The following GPHN variants were observed in gnomAD, a reference collection of about 807,000 sequenced individuals.
The protein encoded by GPHN is gephyrin.
GPHN carries 17 observed loss-of-function variants against 95.5 expected under a neutral mutation model. That is an observed-to-expected ratio of 0.18 (90% CI 0.12 to 0.27). GPHN has a LOEUF of 0.27. Among genes scored for constraint, GPHN ranks in the 10% least tolerant of loss-of-function variants. The pLI, the probability that GPHN is intolerant of heterozygous loss-of-function variation, is 1.00. For missense variants in GPHN, 660 were observed against 978.1 expected, an observed-to-expected ratio of 0.67 and a Z score of 4.34; for synonymous variants, 320 against 322.5, an observed-to-expected ratio of 0.99 and a Z score of 0.08.
At chr14:67,608,600 C>T in the GPHN span, among the ~76,000 whole-genome samples, 1 of 152,082 alleles carries the variant, frequency 6.6e-6, no homozygotes, top group East Asian at 1.9e-4. Context: ...TTTTTGATGC[C>T]GAATGAATCT....
At chr14:67,512,012 C>T in the GPHN span, among the ~76,000 whole-genome samples, 2 of 152,228 alleles carry the variant, frequency 1.3e-5, no homozygotes, top group Admixed American at 6.5e-5. Flanking sequence ...GGCAAATATA[C>T]GTCTTGAACC....
rs201592727 is a variant in GPHN at position 66,965,336 on chromosome 14, T to A, written c.963+11T>A. ...TGCCCAACACCAAAAGTAAGTATGG[T>A]TCCTTCGCATCTTACACCTGCTCTT... is the stretch of plus-strand genomic sequence containing the variant. On this transcript the variant is annotated intron_variant, in intron 9 of 22. Coordinates refer to ENST00000478722, the MANE Select transcript of GPHN (RefSeq NM_020806.5). The A allele has an allele frequency of 1.9e-6, 3 of 1,611,832 alleles. No homozygotes were observed. The highest frequency in any genetic ancestry group is 1.7e-6 in the Non-Finnish European group (2 of 1,178,016).
intron 18 of GPHN, among the ~76,000 whole-genome samples, chr14:67,158,261 C>T (rs1031715785): frequency 1.3e-5 from 2 of 148,556 alleles, no homozygotes; most frequent in East Asian, 3.9e-4. Flanking sequence ...GAGCCAAGAT[C>T]GCACCGTTGG....
chr14:67,392,284 T>G, the GPHN span: 33 of 1,297,504 alleles, frequency 2.5e-5, no homozygotes, highest in Non-Finnish European at 3.6e-5. Context: ...CCCCTAAGCT[T>G]GAGAACTGTC....
At chr14:67,020,912 A>T (rs1950282) in intron 9 of GPHN, among the ~76,000 whole-genome samples, 50,199 of 151,790 alleles carry the variant, frequency 0.33, 13,380 homozygotes, top group African/African-American at 0.72. Context: ...TTTTTCCCAT[A>T]GAGTAAAGCC....
At chr14:67,303,527 T>A in the GPHN span, 3 of 1,612,110 alleles carry the variant, frequency 1.9e-6, no homozygotes, top group Middle Eastern at 3.3e-4. Context: ...TACAGTCTGA[T>A]ATGCATGGTA....
At chr14:67,720,890 A>T in the GPHN span, 1 of 152,236 alleles carries the variant, frequency 6.6e-6, no homozygotes, top group Admixed American at 6.5e-5. Flanking sequence ...TTCCTGGACA[A>T]GCTCAAGCTA....
intron 19 of GPHN, among the ~76,000 whole-genome samples, chr14:67,161,804 C>T (rs1336866751): frequency 1.3e-5 from 2 of 152,122 alleles, no homozygotes; most frequent in African/African-American, 2.4e-5. Flanking sequence ...GAAGCCAACA[C>T]GACTTGCCCT....
At chr14:67,487,620 T>C in the GPHN span, among the ~76,000 whole-genome samples, 1 of 152,222 alleles carries the variant, frequency 6.6e-6, no homozygotes, top group Non-Finnish European at 1.5e-5. Flanking sequence ...CAACCACTCG[T>C]GCAGAAAAAC....
At chr14:67,443,539 A>C in the GPHN span, among the ~76,000 whole-genome samples, 2 of 152,136 alleles carry the variant, frequency 1.3e-5, no homozygotes, top group Non-Finnish European at 2.9e-5. Context: ...GATGCATTCC[A>C]AAGTACAGTG....
chr14:67,510,237 T>G, the GPHN span, among the ~76,000 whole-genome samples: 1 of 152,244 alleles, frequency 6.6e-6, no homozygotes. Flanking sequence ...ATTATTGCCA[T>G]GATCACTGAA....
intron 2 of GPHN, chr14:66,709,441 T>G (rs2069404302): frequency 2.2e-6 from 1 of 455,666 alleles, no homozygotes; most frequent in Non-Finnish European, 4.4e-6. Flanking sequence ...ATAGCTGATC[T>G]GATAACCCAG....
chr14:66,971,548 A>G (rs2069780745), intron 9 of GPHN, among the ~76,000 whole-genome samples: 1 of 152,172 alleles, frequency 6.6e-6, no homozygotes, highest in Non-Finnish European at 1.5e-5. Context: ...TTGAAGAATA[A>G]ACAAATTGAG....
chr14:67,114,515 A>G (rs1595198177), intron 16 of GPHN, among the ~76,000 whole-genome samples: 1 of 152,190 alleles, frequency 6.6e-6, no homozygotes, highest in African/African-American at 2.4e-5. Context: ...ACATAGCGGG[A>G]CCCTGCCTCT....
At chr14:66,532,098 T>G (rs754967958) in intron 1 of GPHN, among the ~76,000 whole-genome samples, 2 of 152,268 alleles carry the variant, frequency 1.3e-5, no homozygotes, top group African/African-American at 4.8e-5. Context: ...AAGGGAAATA[T>G]AATTCCAAGT....
At chr14:66,551,981 C>T (rs1039658529) in intron 1 of GPHN, among the ~76,000 whole-genome samples, 1 of 152,152 alleles carries the variant, frequency 6.6e-6, no homozygotes, top group Non-Finnish European at 1.5e-5. Context: ...CCCCTTCATG[C>T]CCCAAAGAGA....
chr14:67,267,423 TAA>T, the GPHN span, among the ~76,000 whole-genome samples: 1 of 151,948 alleles, frequency 6.6e-6, no homozygotes, highest in Non-Finnish European at 1.5e-5. Context: ...CACACCTGGC[TAA>T]TTTTTAGTAG....
the GPHN span, among the ~76,000 whole-genome samples, chr14:67,446,583 G>T: frequency 6.6e-6 from 1 of 152,194 alleles, no homozygotes; most frequent in Non-Finnish European, 1.5e-5. Flanking sequence ...TCCCCAGAAT[G>T]TCCTTTCCCA....
intron 18 of GPHN, among the ~76,000 whole-genome samples, chr14:67,155,398 C>T (rs560875608): frequency 1.3e-5 from 2 of 152,112 alleles, no homozygotes; most frequent in Non-Finnish European, 2.9e-5. Flanking sequence ...AGTTGCCAGA[C>T]ATGCTAGAGA....
Sources: allele counts gnomAD v4.1 joint callset (sites outside exome capture counted in the v4.1 genomes callset), GRCh38; gene constraint gnomAD v4.1.1; transcripts MANE v1.5; gene names NCBI Gene and HGNC (gene_info 2026-07-23, HGNC 2026-07-21).